HAUS7: variants seen among roughly 807,000 people sequenced by gnomAD.
The protein encoded by HAUS7 is HAUS augmin like complex subunit 7.
HAUS7 carries 3 observed loss-of-function variants against 28.4 expected under a neutral mutation model. The ratio of observed to expected loss-of-function variants is 0.11; its 90% confidence interval spans 0.05 to 0.27. The LOEUF (loss-of-function observed/expected upper bound fraction) is 0.27, where lower values mean the gene tolerates loss of function less well. Ranked by LOEUF, HAUS7 falls within the 10% of genes least tolerant of loss-of-function variation. The pLI is 1.00. For missense variants in HAUS7, 284 were observed against 297.3 expected (o/e 0.96, Z 0.33); for synonymous variants, 165 against 132.1 (o/e 1.25, Z -1.71).
chrX:153,475,209 G>T (rs1370828690), upstream of HAUS7, among the ~76,000 whole-genome samples: 3 of 112,298 alleles, frequency 2.7e-5, no homozygotes, highest in Non-Finnish European at 5.6e-5. Context: ...GGGCAAAGAG[G>T]GTGGGAAACT....
chrX:153,455,510 G>C (rs781990821), intron 8 of HAUS7, 32 bp downstream of exon 8: 7 of 922,910 alleles, frequency 7.6e-6, no homozygotes, highest in Non-Finnish European at 1.1e-5. Flanking sequence ...AGGGGAGGGG[G>C]CGGTTAGAGG....
chrX:153,494,282 A>G (rs2089690923), intron 1 of HAUS7, among the ~76,000 whole-genome samples: 1 of 112,687 alleles, frequency 8.9e-6, no homozygotes, highest in African/African-American at 3.2e-5. Flanking sequence ...TTGAGCAAGA[A>G]GACTGACTCG....
In HAUS7 at chrX:153,454,420, C is replaced by G; in HGVS notation, c.1019G>C (p.Gly340Ala). ...KKQQGEQICW[G>A]GSSSVMSLAT... ...TAGACTCATGACGGAGCTGCTGCCA[C>G]CCCAGCAGATCTGCTCGCCTTGCTG... is the stretch of plus-strand genomic sequence containing the variant. Residue 340 changes from glycine (G) to alanine (A), a missense_variant, in exon 9 of 10, where the codon GGT becomes GCT. Gly to Ala is a moderately conservative substitution (Grantham distance 60, BLOSUM62 0). Transcript: ENST00000370211. 1.7e-6 allele frequency: 2 copies of G among 1,194,660 alleles called. No homozygotes were observed. Among genetic ancestry groups the G allele is most frequent in the South Asian group, 3.5e-5 (2 of 56,541 alleles).
upstream of HAUS7, among the ~76,000 whole-genome samples, chrX:153,473,020 G>A (rs192157936): frequency 6.9e-4 from 77 of 112,173 alleles, no homozygotes; most frequent in African/African-American, 2.4e-3. Flanking sequence ...CACTGGCCCC[G>A]CTGTGCCAGA....
chrX:153,489,719 A>G (rs2089660052), intron 1 of HAUS7, among the ~76,000 whole-genome samples: 1 of 111,904 alleles, frequency 8.9e-6, no homozygotes, highest in South Asian at 3.7e-4. Context: ...GGGACCTTGC[A>G]CCTCTGCTCC....
At chrX:153,483,590 G>T (rs1435897604) in intron 1 of HAUS7, 7 of 455,262 alleles carry the variant, frequency 1.5e-5, no homozygotes, top group African/African-American at 5.3e-5. Flanking sequence ...GGAGGCAGGG[G>T]GCTCCAGGGG....
At chrX:153,470,729 C>G (rs1230949585), upstream of HAUS7, 11 of 668,879 alleles carry the variant, frequency 1.6e-5, no homozygotes, top group South Asian at 8.2e-5. Context: ...TCCCACCCCC[C>G]GCCCCGGCAC....
At chrX:153,494,668 T>A (rs1045452451) in intron 1 of HAUS7, among the ~76,000 whole-genome samples, 4 of 108,655 alleles carry the variant, frequency 3.7e-5, no homozygotes. Flanking sequence ...AGTGGAAAGT[T>A]TGACTCTCTG....
intron 1 of HAUS7, chrX:153,485,751 T>G: frequency 1.2e-6 from 1 of 830,568 alleles, no homozygotes; most frequent in African/African-American, 2.2e-5. Context: ...CCTCTGCCCC[T>G]GTGTGCCCCG....
chrX:153,467,457 G>A (rs1408709483), intron 2 of HAUS7, among the ~76,000 whole-genome samples: 2 of 111,347 alleles, frequency 1.8e-5, no homozygotes, highest in Admixed American at 1.9e-4. Flanking sequence ...GGCCCTGAGG[G>A]AGCTGCCCTG....
At chrX:153,467,312 T>C (rs1431780532) in intron 2 of HAUS7, among the ~76,000 whole-genome samples, 2 of 111,766 alleles carry the variant, frequency 1.8e-5, no homozygotes, top group African/African-American at 3.3e-5. Flanking sequence ...CCTGCAGCCA[T>C]TGCCCTCCAA....
At chrX:153,474,732 G>C (rs868974050), upstream of HAUS7, among the ~76,000 whole-genome samples, 8 of 92,774 alleles carry the variant, frequency 8.6e-5, no homozygotes, top group East Asian at 3.1e-4. Context: ...GGCGGGGGCG[G>C]GGGCGCGGGC....
chrX:153,455,108 C>A, intron 8 of HAUS7: 3 of 733,905 alleles, frequency 4.1e-6, no homozygotes, highest in Non-Finnish European at 5.9e-6. Flanking sequence ...TTCCTCTCAT[C>A]CTGTCTGAGC....
At chrX:153,493,108 G>T (rs1242497511) in intron 1 of HAUS7, among the ~76,000 whole-genome samples, 1 of 112,374 alleles carries the variant, frequency 8.9e-6, no homozygotes, top group Non-Finnish European at 1.9e-5. Context: ...TCACAGAACT[G>T]TGCAACCATC....
At chrX:153,480,882 T>C in intron 1 of HAUS7, 1 of 754,669 alleles carries the variant, frequency 1.3e-6, no homozygotes, top group Non-Finnish European at 1.6e-6. Context: ...GCTGAGGCCC[T>C]GGCAGGCCGG....
intron 7 of HAUS7, 58 bp downstream of exon 7, chrX:153,456,207 G>A: frequency 1.1e-6 from 1 of 922,145 alleles, no homozygotes; most frequent in Non-Finnish European, 1.6e-6. Context: ...TGCTGAGGGA[G>A]GTGACAAAGC....
At chrX:153,471,076 C>T (rs1556985270), upstream of HAUS7, 2 of 309,364 alleles carry the variant, frequency 6.5e-6, no homozygotes, top group Admixed American at 6.4e-5. Context: ...GCCTTGGGTG[C>T]AGAATGGAAC....
intron 2 of HAUS7, among the ~76,000 whole-genome samples, chrX:153,465,262 C>T (rs782742104): frequency 5.4e-4 from 53 of 98,993 alleles, no homozygotes; most frequent in African/African-American, 1.9e-3. Context: ...CCTCGGAAAT[C>T]TGGATACAGA....
At position 153,470,565 on chromosome X, in the gene HAUS7, G is replaced by T. The variant is rs377247791; in HGVS notation, c.-8C>A. On this transcript the variant is annotated 5_prime_UTR_variant, in exon 1 of 10. Transcript: ENST00000370211. Reference sequence around the variant, plus strand: ...AGCGTCCTGCCCCGCCATGTTTCGCGCTCCGAGCCGCGCCCCGCCCATGCC... The same window carrying T: ...AGCGTCCTGCCCCGCCATGTTTCGCTCTCCGAGCCGCGCCCCGCCCATGCC... 8.3e-7 allele frequency: 1 copy of T among 1,203,427 alleles called. No individual in the cohort carries two copies. The highest frequency in any genetic ancestry group is 1.8e-5 in the South Asian group (1 of 55,964).
Sources: allele counts gnomAD v4.1 joint callset (sites outside exome capture counted in the v4.1 genomes callset), GRCh38; gene constraint gnomAD v4.1.1; transcripts MANE v1.5; gene names NCBI Gene and HGNC (gene_info 2026-07-23, HGNC 2026-07-21).